Variants in ZNF385D observed in about 807,000 individuals in gnomAD.
ZNF385D encodes the protein zinc finger protein 659.
A neutral mutation model predicts 35.8 loss-of-function variants in ZNF385D; 15 were observed. The ratio of observed to expected loss-of-function variants is 0.42; its 90% CI spans 0.28 to 0.64. The LOEUF is 0.64. ZNF385D is among the 30% of genes least tolerant of loss of function. The pLI is 0.23. For synonymous variants in ZNF385D, 212 were observed against 186.8 expected, an observed-to-expected ratio of 1.13 and a Z score of -1.10; for missense variants, 474 against 494.6, an observed-to-expected ratio of 0.96 and a Z score of 0.39.
intron 2 of ZNF385D, among the ~76,000 whole-genome samples, chr3:22,348,822 T>C (rs1002358813): frequency 2.6e-5 from 4 of 152,186 alleles, no homozygotes; most frequent in Admixed American, 2.6e-4. Context: ...TTCTGGCTTC[T>C]AGAACTATGA....
chr3:21,485,352 T>C (rs1261710068), intron 4 of ZNF385D, among the ~76,000 whole-genome samples: 1 of 152,112 alleles, frequency 6.6e-6, no homozygotes, highest in Non-Finnish European at 1.5e-5. Flanking sequence ...TATGTTATTA[T>C]GAAGGGCAAG....
chr3:22,208,251 T>A (rs1254701547), intron 2 of ZNF385D, among the ~76,000 whole-genome samples: 1 of 151,954 alleles, frequency 6.6e-6, no homozygotes, highest in Non-Finnish European at 1.5e-5. Flanking sequence ...GGAGAGCTAT[T>A]TGGTCATAAA....
At chr3:22,235,913 T>C (rs1375047865) in intron 2 of ZNF385D, among the ~76,000 whole-genome samples, 1 of 152,150 alleles carries the variant, frequency 6.6e-6, no homozygotes, top group Non-Finnish European at 1.5e-5. Flanking sequence ...ATATTTATTT[T>C]TGAATTAAAA....
chr3:22,230,731 G>A (rs1698837366), intron 2 of ZNF385D, among the ~76,000 whole-genome samples: 2 of 152,210 alleles, frequency 1.3e-5, no homozygotes, highest in South Asian at 2.1e-4. Flanking sequence ...AAATTTGGCC[G>A]GTTTTCATAA....
rs138853465 is a variant in ZNF385D at position 22,040,036 on chromosome 3, G to T, written c.325+128781C>A. ...CGCCATGCACCGTTGCCTCAACCTGGCCATGCATTCGTACTAACGGCCAAG... is the reference window on the plus strand; with the variant it reads ...CGCCATGCACCGTTGCCTCAACCTGTCCATGCATTCGTACTAACGGCCAAG... On this transcript the variant is annotated intron_variant, in intron 3 of 5. Transcript: ENST00000494108. Among the ~76,000 whole-genome samples, 447 of 152,172 alleles carry T rather than the reference G, an allele frequency of 2.9e-3. 2 individuals carry two copies. Among genetic ancestry groups the T allele is most frequent in the African/African-American group, 0.01 (423 of 41,518 alleles).
At chr3:22,362,837 C>A (rs1217425389) in intron 2 of ZNF385D, among the ~76,000 whole-genome samples, 5 of 151,994 alleles carry the variant, frequency 3.3e-5, no homozygotes, top group African/African-American at 4.8e-5. Flanking sequence ...TTTCTACAAC[C>A]CCTATGTCTA....
chr3:21,613,629 T>A (rs991573164), intron 2 of ZNF385D, among the ~76,000 whole-genome samples: 1 of 152,286 alleles, frequency 6.6e-6, no homozygotes, highest in Admixed American at 6.5e-5. Context: ...AAACCTCTGT[T>A]TATTTATTAA....
At chr3:21,740,649 C>T (rs529274606) in intron 1 of ZNF385D, among the ~76,000 whole-genome samples, 11 of 152,222 alleles carry the variant, frequency 7.2e-5, no homozygotes, top group East Asian at 1.9e-4. Context: ...CACTGATTTC[C>T]GTGAGAGGAG....
At chr3:21,928,378 CAAAG>C (rs1700847762) in intron 3 of ZNF385D, among the ~76,000 whole-genome samples, 1 of 148,340 alleles carries the variant, frequency 6.7e-6, no homozygotes, top group Non-Finnish European at 1.5e-5. Flanking sequence ...GAAAGGAAAG[CAAAG>C]GAAGAAAGAT....
chr3:21,978,271 C>A (rs2291819), intron 3 of ZNF385D: 42,496 of 152,094 alleles, frequency 0.28, 6,133 homozygotes, highest in East Asian at 0.32. Context: ...GTACATTCAC[C>A]AATCAGGCAC....
intron 3 of ZNF385D, among the ~76,000 whole-genome samples, chr3:22,099,577 C>T (rs555940637): frequency 1.3e-5 from 2 of 151,976 alleles, no homozygotes; most frequent in East Asian, 1.9e-4. Context: ...CATAGGCTAA[C>T]GAGTTAATTT....
chr3:21,782,140 C>A (rs2071514587), intron 3 of ZNF385D, among the ~76,000 whole-genome samples: 1 of 152,098 alleles, frequency 6.6e-6, no homozygotes, highest in Admixed American at 6.5e-5. Flanking sequence ...AGAGACAATG[C>A]TGCATTGCTT....
At chr3:21,932,095 A>C (rs1701037490) in intron 3 of ZNF385D, among the ~76,000 whole-genome samples, 1 of 136,148 alleles carries the variant, frequency 7.3e-6, no homozygotes, top group South Asian at 2.4e-4. Context: ...TGAATCCTGG[A>C]GGCGGAGCTT....
chr3:21,874,639 G>C (rs1474444419), intron 3 of ZNF385D, among the ~76,000 whole-genome samples: 1 of 152,056 alleles, frequency 6.6e-6, no homozygotes, highest in Non-Finnish European at 1.5e-5. Context: ...AGGAAATGTA[G>C]CTTTGTAATA....
chr3:22,175,326 A>G (rs980192111), intron 2 of ZNF385D, among the ~76,000 whole-genome samples: 7 of 152,190 alleles, frequency 4.6e-5, no homozygotes, highest in Admixed American at 3.3e-4. Context: ...TATATAAAGT[A>G]AAAAGAGAAA....
intron 2 of ZNF385D, among the ~76,000 whole-genome samples, chr3:21,568,211 C>T (rs1182422758): frequency 6.6e-6 from 1 of 151,878 alleles, no homozygotes; most frequent in African/African-American, 2.4e-5. Context: ...ACGTATATAT[C>T]TACAACCATT....
intron 3 of ZNF385D, among the ~76,000 whole-genome samples, chr3:21,757,606 G>A (rs1401363078): frequency 3.3e-5 from 5 of 152,036 alleles, no homozygotes; most frequent in South Asian, 4.1e-4. Context: ...GAGTACTCCC[G>A]TGCCAAGTAC....
At position 21,803,154 on chromosome 3, in the gene ZNF385D, C is replaced by G. The variant is rs780468066; in HGVS notation, c.326-138126G>C. ...ATAAGCCTCCCAGGCATTTCCAGCT[C>G]TCTGTATCTGTCAGTAAAGCAGCTC... On this transcript the variant is annotated intron_variant, in intron 3 of 5. Coordinates refer to the ZNF385D transcript ENST00000494108. Among the ~76,000 whole-genome samples the G allele has an allele frequency of 2.0e-5, 3 of 152,164 alleles. No individual in the cohort carries two copies. In the South Asian group the frequency reaches 6.2e-4, roughly 31 times the overall value.
intron 3 of ZNF385D, among the ~76,000 whole-genome samples, chr3:21,908,659 G>C (rs1009753282): frequency 2.0e-5 from 3 of 151,918 alleles, no homozygotes; most frequent in African/African-American, 7.2e-5. Flanking sequence ...AAGAAATTTG[G>C]CCAGATTCAA....
Sources: gnomAD v4.1 joint callset for allele counts (sites outside exome capture counted in the v4.1 genomes callset) on GRCh38, gnomAD v4.1.1 for gene constraint, MANE v1.5 for transcripts, NCBI Gene and HGNC (gene_info 2026-07-23, HGNC 2026-07-21) for gene names.